The following TANC2 variants were observed in gnomAD, a reference collection of about 807,000 sequenced individuals.
The protein encoded by TANC2 is tetratricopeptide repeat, ankyrin repeat and coiled-coil containing 2, also known as protein TANC2.
A neutral mutation model predicts 210.5 loss-of-function variants in TANC2; 26 were observed. The observed-to-expected ratio is 0.12, with a 90% CI of 0.09 to 0.17. The LOEUF (loss-of-function observed/expected upper bound fraction) is 0.17, where lower values mean the gene tolerates loss of function less well. Among genes scored for constraint, TANC2 ranks in the 10% least tolerant of loss-of-function variants. The pLI, the probability that TANC2 is intolerant of heterozygous loss-of-function variation, is 1.00. For missense variants in TANC2, 2,129 were observed against 2,608.9 expected (o/e 0.82, Z 4.01); for synonymous variants, 931 against 967.1 (o/e 0.96, Z 0.69).
chr17:63,321,197 C>CA lies in TANC2; in HGVS notation c.1575+2120dup, dbSNP rs764845639. Among the ~76,000 whole-genome samples the CA allele has an allele frequency of 1.6e-3, 223 of 139,430 alleles. 1 individual carries two copies. The highest frequency in any genetic ancestry group is 4.0e-3 in the Admixed American group (56 of 13,898). 91.5% of individuals were successfully genotyped at this position (139,430 alleles called of 152,430 possible). On this transcript the variant is annotated intron_variant, in intron 11 of 27. Transcript: ENST00000689528. ...TGGGCAACAGAGTGAGACTCCATCT[C>CA]AAAAAAAAAAAAATTAAATTTCCTA...
At chr17:63,267,686 A>G in intron 8 of TANC2, 62 bp from the exon 9 acceptor site, 1 of 1,559,954 alleles carries the variant, frequency 6.4e-7, no homozygotes, top group African/African-American at 1.4e-5. Context: ...CCGGAGATAC[A>G]GACTAGCTGA....
intron 1 of TANC2, among the ~76,000 whole-genome samples, chr17:62,968,209 A>G (rs907986982): frequency 6.6e-6 from 1 of 152,238 alleles, no homozygotes; most frequent in Non-Finnish European, 1.5e-5. Context: ...AATGAGTGTG[A>G]ATATACTATA....
chr17:63,016,814 G>A (rs985009058), intron 2 of TANC2, among the ~76,000 whole-genome samples: 14 of 152,046 alleles, frequency 9.2e-5, no homozygotes, highest in African/African-American at 3.4e-4. Context: ...TAGTGATATT[G>A]AGGATCTTTT....
chr17:63,135,182 C>G (rs915620574), intron 4 of TANC2, among the ~76,000 whole-genome samples: 1 of 152,134 alleles, frequency 6.6e-6, no homozygotes, highest in African/African-American at 2.4e-5. Flanking sequence ...TGCCACTGCA[C>G]CAGCCTGGGC....
At chr17:63,267,903 C>G in intron 9 of TANC2, 30 bp downstream of exon 9, 1 of 1,573,268 alleles carries the variant, frequency 6.4e-7, no homozygotes, top group Non-Finnish European at 8.6e-7. Context: ...TTTAAGGGTG[C>G]CCGGGAACAG....
At chr17:63,297,135 G>A (rs2044560755) in intron 9 of TANC2, among the ~76,000 whole-genome samples, 1 of 152,100 alleles carries the variant, frequency 6.6e-6, no homozygotes, top group African/African-American at 2.4e-5. Flanking sequence ...TAAGATATTG[G>A]TACTACCCAA....
In TANC2 at chr17:63,023,467, C is replaced by T. The variant is rs974078121; in HGVS notation, c.67+13841C>T. 4.6e-5 allele frequency among the ~76,000 whole-genome samples: 7 copies of T among 152,186 alleles called. No homozygotes were observed. The East Asian group carries it at 5.8e-4, about 13-fold the overall frequency. On this transcript the variant is annotated intron_variant, in intron 2 of 27. Coordinates refer to ENST00000689528, the Ensembl canonical transcript of TANC2. ...ACAATTCTTGCACTTCAGCCTCCCA[C>T]GTAGCTGAGACTACAGGAATATGCC...
At chr17:63,268,842 A>G (rs752883613) in intron 9 of TANC2, among the ~76,000 whole-genome samples, 34 of 152,142 alleles carry the variant, frequency 2.2e-4, no homozygotes, top group Non-Finnish European at 4.6e-4. Flanking sequence ...GGAGCCTCTT[A>G]TTGGTATTTC....
chr17:63,406,235 T>G, exon 21 of TANC2: 3 of 1,613,986 alleles, frequency 1.9e-6, no homozygotes, highest in Non-Finnish European at 2.5e-6. Context: ...GATGGCTGCT[T>G]CCGAAGGCCA....
chr17:63,119,177 G>A (rs80102784), intron 4 of TANC2, among the ~76,000 whole-genome samples: 1,901 of 152,218 alleles, frequency 0.012, 40 homozygotes, highest in African/African-American at 0.043. Context: ...TCCCACCTTG[G>A]CCTCCCCAAG....
intron 2 of TANC2, among the ~76,000 whole-genome samples, chr17:63,058,658 G>C (rs1214560798): frequency 6.6e-6 from 1 of 152,086 alleles, no homozygotes; most frequent in African/African-American, 2.4e-5. Flanking sequence ...ACTTATCTCA[G>C]CACCAATTAT....
chr17:62,977,199 A>G (rs2032054862), intron 1 of TANC2, among the ~76,000 whole-genome samples: 1 of 151,664 alleles, frequency 6.6e-6, no homozygotes, highest in Admixed American at 6.6e-5. Flanking sequence ...TAACAATCCC[A>G]TTTTTCCCTA....
At chr17:63,413,428 G>A (rs1198221008) in intron 24 of TANC2, 115 bp from the exon 25 acceptor site, 4 of 705,730 alleles carry the variant, frequency 5.7e-6, no homozygotes, top group African/African-American at 3.6e-5. Flanking sequence ...GGTACTAATT[G>A]TGGAGCAAGT....
intron 4 of TANC2, among the ~76,000 whole-genome samples, chr17:63,106,752 A>G (rs2037839038): frequency 6.6e-6 from 1 of 151,792 alleles, no homozygotes; most frequent in South Asian, 2.1e-4. Context: ...ATTTCAAAAT[A>G]ATTAAACCTT....
chr17:63,174,481 A>G (rs989951822), intron 5 of TANC2, among the ~76,000 whole-genome samples: 3 of 152,320 alleles, frequency 2.0e-5, no homozygotes, highest in Non-Finnish European at 2.9e-5. Context: ...AGAATTGAGA[A>G]TGTAATCTTT....
intron 9 of TANC2, among the ~76,000 whole-genome samples, chr17:63,303,233 G>A (rs2044781364): frequency 6.6e-6 from 1 of 152,180 alleles, no homozygotes; most frequent in Admixed American, 6.5e-5. Flanking sequence ...TGCAGTAGCT[G>A]GTACTGGTTT....
intron 4 of TANC2, among the ~76,000 whole-genome samples, chr17:63,103,330 A>G (rs886279534): frequency 1.3e-5 from 2 of 152,182 alleles, no homozygotes; most frequent in African/African-American, 4.8e-5. Context: ...AGTTTGACTC[A>G]TTTTCAGTCT....
At chr17:63,326,270 G>T (rs1226699454) in intron 11 of TANC2, among the ~76,000 whole-genome samples, 4 of 152,180 alleles carry the variant, frequency 2.6e-5, no homozygotes, top group African/African-American at 9.7e-5. Context: ...CAGTATTTCA[G>T]ATCATTGGGA....
intron 7 of TANC2, among the ~76,000 whole-genome samples, chr17:63,214,761 G>A (rs1036383531): frequency 6.6e-6 from 1 of 152,226 alleles, no homozygotes; most frequent in African/African-American, 2.4e-5. Context: ...ACATGAATTT[G>A]CTGGGGGACA....
Sources: allele counts gnomAD v4.1 joint callset (sites outside exome capture counted in the v4.1 genomes callset), GRCh38; gene constraint gnomAD v4.1.1; transcripts MANE v1.5; gene names NCBI Gene and HGNC (gene_info 2026-07-23, HGNC 2026-07-21).